Variants in SMAP1 observed in about 807,000 individuals in gnomAD.
SMAP1 encodes the protein stromal membrane-associated protein 1.
SMAP1 carries 24 observed loss-of-function variants against 58.5 expected under a neutral mutation model. The ratio of observed to expected loss-of-function variants is 0.41; its 90% CI spans 0.30 to 0.58. The LOEUF (loss-of-function observed/expected upper bound fraction) is 0.58, where lower values mean the gene tolerates loss of function less well. SMAP1 is among the 20% of genes least tolerant of loss of function. The pLI, the probability that SMAP1 is intolerant of heterozygous loss-of-function variation, is 0.29. For synonymous variants in SMAP1, 216 were observed against 196.6 expected (o/e 1.10, Z -0.82); for missense variants, 563 against 566.3 (o/e 0.99, Z 0.06).
intron 1 of SMAP1, among the ~76,000 whole-genome samples, chr6:70,691,203 C>T (rs773596356): frequency 1.1e-4 from 17 of 152,174 alleles, no homozygotes; most frequent in Non-Finnish European, 1.0e-4. Flanking sequence ...CTTCATCAGC[C>T]ATGCTAGAGA....
chr6:70,680,976 C>T (rs1766684910), intron 1 of SMAP1, among the ~76,000 whole-genome samples: 1 of 151,964 alleles, frequency 6.6e-6, no homozygotes, highest in Non-Finnish European at 1.5e-5. Context: ...CCTTAGCCTC[C>T]CACAGTGCTG....
At chr6:70,744,173 CT>C (rs11376216) in intron 2 of SMAP1, among the ~76,000 whole-genome samples, 498 of 144,886 alleles carry the variant, frequency 3.4e-3, no homozygotes, top group Non-Finnish European at 4.2e-3. Context: ...ACTCCTAATT[CT>C]TTTTTTTTTT....
chr6:70,858,134 G>T lies in SMAP1; in HGVS notation c.1174G>T (p.Val392Phe), dbSNP rs370666289. The change falls in exon 10 of 11, where the codon GTT (valine) becomes TTT (phenylalanine). Residue 392 changes from valine to phenylalanine, a missense_variant. By Grantham distance (50) the Val-to-Phe change is conservative. Coordinates refer to ENST00000370455, the MANE Select transcript of SMAP1 (RefSeq NM_001044305.3). Reference sequence around the variant, plus strand: ...TGTGATGCCACTTCCTCAGAACGTTGTTGGCCCCCAAGGAGGAATGGTGGG... The same window carrying T: ...TGTGATGCCACTTCCTCAGAACGTTTTTGGCCCCCAAGGAGGAATGGTGGG... ...TGVMPLPQNV[V>F]GPQGGMVGQM... 44 of 1,614,024 alleles carry T rather than the reference G, an allele frequency of 2.7e-5. No homozygotes were observed. Among genetic ancestry groups the T allele is most frequent in the South Asian group, 2.2e-4 (20 of 91,082 alleles).
chr6:70,788,505 G>GGAGGT (rs1278547197), intron 4 of SMAP1, among the ~76,000 whole-genome samples: 5 of 151,978 alleles, frequency 3.3e-5, no homozygotes, highest in Non-Finnish European at 7.4e-5. Flanking sequence ...AAATATTATA[G>GGAGGT]GAGGTGCGTA....
intron 6 of SMAP1, among the ~76,000 whole-genome samples, chr6:70,813,686 A>G (rs1389573711): frequency 1.3e-5 from 2 of 152,096 alleles, no homozygotes; most frequent in East Asian, 3.8e-4. Context: ...ATGTGTTAAT[A>G]TATGCTTCCT....
intron 6 of SMAP1, among the ~76,000 whole-genome samples, chr6:70,817,944 G>A (rs868810631): frequency 1.3e-5 from 2 of 152,256 alleles, no homozygotes; most frequent in Middle Eastern, 6.8e-3. Context: ...AGATGAAAAA[G>A]TGTATCTCCA....
chr6:70,835,383 A>ATC (rs973165655), intron 6 of SMAP1, among the ~76,000 whole-genome samples: 1 of 152,184 alleles, frequency 6.6e-6, no homozygotes, highest in Non-Finnish European at 1.5e-5. Flanking sequence ...AAGTTAACGT[A>ATC]TCTCTAATAG....
chr6:70,859,479 G>A, intron 10 of SMAP1: 1 of 1,081,256 alleles, frequency 9.2e-7, no homozygotes, highest in Non-Finnish European at 1.3e-6. Flanking sequence ...GTTTATGTTA[G>A]TGTCTTTGAA....
chr6:70,708,231 AT>A (rs774175097), intron 1 of SMAP1, among the ~76,000 whole-genome samples: 1 of 152,026 alleles, frequency 6.6e-6, no homozygotes, highest in Non-Finnish European at 1.5e-5. Flanking sequence ...TTCTTTCTAT[AT>A]CTGGCTTATT....
chr6:70,857,700 C>CTTAA (rs1164022801), intron 9 of SMAP1: 1 of 548,540 alleles, frequency 1.8e-6, no homozygotes, highest in Non-Finnish European at 3.2e-6. Flanking sequence ...ATTTACATTT[C>CTTAA]TTAATTAAAT....
chr6:70,777,473 G>A (rs565696081), intron 4 of SMAP1, among the ~76,000 whole-genome samples: 6 of 151,930 alleles, frequency 3.9e-5, no homozygotes, highest in African/African-American at 1.4e-4. Flanking sequence ...TTTTGCTGTC[G>A]AGTTGTTCGA....
chr6:70,676,498 C>A (rs945261436), intron 1 of SMAP1, among the ~76,000 whole-genome samples: 2 of 151,912 alleles, frequency 1.3e-5, no homozygotes, highest in Admixed American at 6.6e-5. Flanking sequence ...GGATTTGAGC[C>A]CGGGAGATAT....
chr6:70,719,968 A>C (rs1768447697), intron 1 of SMAP1, among the ~76,000 whole-genome samples: 1 of 152,156 alleles, frequency 6.6e-6, no homozygotes, highest in Admixed American at 6.5e-5. Context: ...GTATGTCCTC[A>C]CATTTCAAGA....
At chr6:70,798,885 T>C in intron 6 of SMAP1, 148 bp downstream of exon 6, 1 of 633,736 alleles carries the variant, frequency 1.6e-6, no homozygotes, top group African/African-American at 1.8e-5. Context: ...GCTCAGCATG[T>C]CCTTCTAGCT....
chr6:70,672,241 A>G (rs750357454), intron 1 of SMAP1, among the ~76,000 whole-genome samples: 2 of 152,208 alleles, frequency 1.3e-5, no homozygotes, highest in Non-Finnish European at 2.9e-5. Flanking sequence ...AACTACCTCT[A>G]TACTTATTTT....
intron 3 of SMAP1, among the ~76,000 whole-genome samples, chr6:70,760,519 A>G (rs940152814): frequency 6.6e-6 from 1 of 152,102 alleles, no homozygotes; most frequent in Non-Finnish European, 1.5e-5. Flanking sequence ...CTTGGTTATT[A>G]TAACAATACT....
chr6:70,728,229 A>G (rs537043560), intron 1 of SMAP1, among the ~76,000 whole-genome samples: 1 of 152,250 alleles, frequency 6.6e-6, no homozygotes, highest in African/African-American at 2.4e-5. Context: ...CTCCTAGCAA[A>G]TGGAAAAGGG....
intron 6 of SMAP1, among the ~76,000 whole-genome samples, chr6:70,832,558 T>A (rs1770405502): frequency 6.6e-6 from 1 of 152,230 alleles, no homozygotes; most frequent in Non-Finnish European, 1.5e-5. Flanking sequence ...TTTGTGCTGC[T>A]GTAACAGAAT....
chr6:70,730,068 C>T (rs892102606), intron 1 of SMAP1, among the ~76,000 whole-genome samples: 2 of 152,188 alleles, frequency 1.3e-5, no homozygotes, highest in East Asian at 3.8e-4. Flanking sequence ...TCTCTCCCTT[C>T]TCCCCCTGAC....
Sources: allele counts gnomAD v4.1 joint callset (sites outside exome capture counted in the v4.1 genomes callset), GRCh38; gene constraint gnomAD v4.1.1; transcripts MANE v1.5; gene names NCBI Gene and HGNC (gene_info 2026-07-23, HGNC 2026-07-21).